Variants in MSRA observed in about 807,000 individuals in gnomAD.
The protein encoded by MSRA is methionine sulfoxide reductase A, also known as mitochondrial peptide methionine sulfoxide reductase.
A neutral mutation model predicts 31.3 loss-of-function variants in MSRA; 54 were observed. The ratio of observed to expected loss-of-function variants is 1.73; its 90% CI spans 1.39 to 2.17. The LOEUF (loss-of-function observed/expected upper bound fraction) is 2.17, where lower values mean the gene tolerates loss of function less well. MSRA is among the 30% of genes most tolerant of loss of function. MSRA has a pLI of 0.00. For synonymous variants in MSRA, 169 were observed against 116.5 expected (o/e 1.45, Z -2.90); for missense variants, 507 against 300.9 (o/e 1.69, Z -5.07).
intron 4 of MSRA, among the ~76,000 whole-genome samples, chr8:10,309,629 G>T (rs911010667): frequency 6.6e-6 from 1 of 152,186 alleles, no homozygotes; most frequent in Non-Finnish European, 1.5e-5. Context: ...GCCCCCCGTG[G>T]GCTGCACCGT....
chr8:10,055,885 GT>G (rs1442392859), intron 1 of MSRA, among the ~76,000 whole-genome samples: 2 of 152,076 alleles, frequency 1.3e-5, no homozygotes, highest in African/African-American at 2.4e-5. Context: ...CGAATTAGCA[GT>G]TTCTGTTTCC....
intron 5 of MSRA, among the ~76,000 whole-genome samples, chr8:10,323,320 A>G (rs1802163726): frequency 1.3e-5 from 2 of 152,180 alleles, no homozygotes; most frequent in African/African-American, 2.4e-5. Flanking sequence ...TGATAATGCC[A>G]TCTATAAACT....
chr8:10,076,362 C>T (rs1189632363), intron 1 of MSRA, among the ~76,000 whole-genome samples: 14 of 152,178 alleles, frequency 9.2e-5, no homozygotes, highest in Admixed American at 3.9e-4. Context: ...GTGTATGGCA[C>T]GTGGCTAAGC....
intron 1 of MSRA, among the ~76,000 whole-genome samples, chr8:10,117,302 G>C (rs1040042724): frequency 6.6e-6 from 1 of 152,160 alleles, no homozygotes; most frequent in Non-Finnish European, 1.5e-5. Flanking sequence ...TGGGCATTTA[G>C]GGAAAAGAAT....
intron 5 of MSRA, among the ~76,000 whole-genome samples, chr8:10,354,722 C>T (rs1000352945): frequency 1.4e-5 from 2 of 139,742 alleles, no homozygotes; most frequent in Non-Finnish European, 1.5e-5. Flanking sequence ...CTTTTCATAC[C>T]AGTTATGTAA....
intron 5 of MSRA, among the ~76,000 whole-genome samples, chr8:10,384,987 G>T (rs1806299454): frequency 1.3e-5 from 2 of 152,078 alleles, no homozygotes; most frequent in Admixed American, 1.3e-4. Flanking sequence ...GGGTGACAGA[G>T]CAAAACCCTG....
intron 1 of MSRA, among the ~76,000 whole-genome samples, chr8:10,156,600 CTTCTT>C (rs931726304): frequency 6.6e-5 from 10 of 152,072 alleles, no homozygotes; most frequent in African/African-American, 2.2e-4. Context: ...AAATTAATCT[CTTCTT>C]TTCATATGGA....
chr8:10,422,750 C>T (rs564388144), intron 5 of MSRA, among the ~76,000 whole-genome samples: 4 of 152,290 alleles, frequency 2.6e-5, no homozygotes, highest in Non-Finnish European at 5.9e-5. Flanking sequence ...TACCTGGCCC[C>T]ACAGGCTGCA....
chr8:10,173,536 G>C (rs1805781860), intron 1 of MSRA, among the ~76,000 whole-genome samples: 1 of 152,198 alleles, frequency 6.6e-6, no homozygotes, highest in South Asian at 2.1e-4. Flanking sequence ...GCTGGTTTTA[G>C]GCATTGCCCA....
chr8:10,237,871 A>G (rs1372901390), intron 2 of MSRA, among the ~76,000 whole-genome samples: 3 of 152,164 alleles, frequency 2.0e-5, no homozygotes, highest in African/African-American at 7.2e-5. Context: ...TCTCACTTGG[A>G]TTACAGCCAT....
chr8:10,087,808 C>T (rs772323840), intron 1 of MSRA, among the ~76,000 whole-genome samples: 1 of 152,148 alleles, frequency 6.6e-6, no homozygotes, highest in East Asian at 1.9e-4. Context: ...TAAACTTTTT[C>T]TAAGAGAGAC....
chr8:10,247,070 T>C (rs1187169975), intron 3 of MSRA, among the ~76,000 whole-genome samples: 2 of 152,238 alleles, frequency 1.3e-5, no homozygotes, highest in African/African-American at 4.8e-5. Context: ...AGTTAGAATA[T>C]TGTGATTCCT....
chr8:10,056,908 G>A (rs745320054), intron 1 of MSRA, among the ~76,000 whole-genome samples: 10 of 152,114 alleles, frequency 6.6e-5, no homozygotes, highest in African/African-American at 2.2e-4. Context: ...ACTGCAGAAG[G>A]CCTGTTTCTT....
In MSRA at chr8:10,363,764, A is replaced by ACACACACACACACACACACACACT. The variant is rs1434687643; in HGVS notation, c.543+43790_543+43791insACACACACTCACACACACACACAC. Among the ~76,000 whole-genome samples, 5 of 150,834 alleles carry ACACACACACACACACACACACACT rather than the reference A, an allele frequency of 3.3e-5. No homozygotes were observed. The East Asian group carries it at 9.8e-4, about 30-fold the overall frequency. ...CACACACACACACACACACACACAC[A>ACACACACACACACACACACACACT]CACACACACACACACTAGCTGGTTG... On this transcript the variant is annotated intron_variant, in intron 5 of 5. Transcript: ENST00000317173.
chr8:10,174,507 C>G (rs928424842), intron 1 of MSRA, among the ~76,000 whole-genome samples: 5 of 152,078 alleles, frequency 3.3e-5, no homozygotes, highest in African/African-American at 1.2e-4. Context: ...GAGGCCTCTT[C>G]TCCCATGACT....
chr8:10,376,028 C>T (rs576446330), intron 5 of MSRA, among the ~76,000 whole-genome samples: 1 of 152,144 alleles, frequency 6.6e-6, no homozygotes, highest in Non-Finnish European at 1.5e-5. Flanking sequence ...TCAGGACTTT[C>T]CTCTGAAGGG....
At chr8:10,058,496 G>T (rs1293406450) in intron 1 of MSRA, among the ~76,000 whole-genome samples, 1 of 152,188 alleles carries the variant, frequency 6.6e-6, no homozygotes, top group Non-Finnish European at 1.5e-5. Context: ...ATTTAAGCAG[G>T]TTGATTTTTA....
chr8:10,275,901 C>T (rs1361176892), intron 3 of MSRA, among the ~76,000 whole-genome samples: 1 of 152,192 alleles, frequency 6.6e-6, no homozygotes, highest in African/African-American at 2.4e-5. Flanking sequence ...TTGTTTTTAA[C>T]CTACTTTTTT....
At chr8:10,241,761 T>G (rs763381125) in intron 2 of MSRA, among the ~76,000 whole-genome samples, 9 of 152,182 alleles carry the variant, frequency 5.9e-5, no homozygotes, top group Non-Finnish European at 1.3e-4. Flanking sequence ...CCACCTCTAG[T>G]CTTGCCAGAG....
Sources: allele counts gnomAD v4.1 joint callset (sites outside exome capture counted in the v4.1 genomes callset), GRCh38; gene constraint gnomAD v4.1.1; transcripts MANE v1.5; gene names NCBI Gene and HGNC (gene_info 2026-07-23, HGNC 2026-07-21).